MYRFL: variants seen among roughly 807,000 people sequenced by gnomAD.
MYRFL encodes myelin regulatory factor like, also known as myelin regulatory factor-like protein.
In MYRFL, 88 loss-of-function variants were observed where a neutral mutation model predicts 109.4. That is an observed-to-expected ratio of 0.80 (90% CI 0.68 to 0.96). The LOEUF (loss-of-function observed/expected upper bound fraction) is 0.96. Ranked by LOEUF, MYRFL falls within the 40% of genes least tolerant of loss-of-function variation. The pLI is 0.00. For synonymous variants in MYRFL, 324 were observed against 320.9 expected (o/e 1.01, Z -0.10); for missense variants, 957 against 954.9 (o/e 1.00, Z -0.03).
intron 13 of MYRFL, among the ~76,000 whole-genome samples, chr12:69,917,383 C>CTTTTTTTTTTT: frequency 9.8e-6 from 1 of 102,514 alleles, no homozygotes; most frequent in Non-Finnish European, 1.8e-5. Context: ...TATTCACTGA[C>CTTTTTTTTTTT]TTTTTTTTTT....
intron 11 of MYRFL, among the ~76,000 whole-genome samples, chr12:69,908,768 A>G (rs951490597): frequency 2.4e-4 from 37 of 152,258 alleles, no homozygotes; most frequent in African/African-American, 7.7e-4. Context: ...TAAAACTTTT[A>G]TTTTAAGTTC....
chr12:69,869,564 G>T (rs775830229), intron 2 of MYRFL, among the ~76,000 whole-genome samples: 33 of 152,320 alleles, frequency 2.2e-4, no homozygotes, highest in Non-Finnish European at 3.5e-4. Flanking sequence ...ATGGTCATAT[G>T]TAGTTTAACA....
chr12:69,935,925 A>G, intron 16 of MYRFL, 188 bp from the exon 17 acceptor site: 2 of 654,570 alleles, frequency 3.1e-6, no homozygotes, highest in Non-Finnish European at 5.0e-6. Flanking sequence ...TTTTCTCTCC[A>G]GGGCAGAAAA....
At position 69,952,725 on chromosome 12, in the gene MYRFL, A is replaced by C. The variant is rs182143729; in HGVS notation, c.2288-74A>C. 7,645 of 1,026,294 alleles carry C rather than the reference A, an allele frequency of 7.4e-3. 43 individuals are homozygous for C. The highest frequency in any genetic ancestry group is 8.3e-3 in the Non-Finnish European group (5,992 of 719,270). 63.6% of individuals were successfully genotyped at this position (1,026,294 alleles called of 1,614,324 possible). A position where few individuals can be genotyped will look rare whatever the true frequency, so the allele number is the denominator to read the frequency against. The stretch of plus-strand genomic sequence containing the variant: ...TTACTTCCCATTCTGTAATTTGAGG[A>C]CTGTGGCTGGAATACAATATTCTTT... On this transcript the variant is annotated intron_variant, in intron 20 of 24. Coordinates refer to ENST00000552032, the MANE Select transcript of MYRFL (RefSeq NM_182530.3).
intron 1 of MYRFL, among the ~76,000 whole-genome samples, chr12:69,848,817 CA>C (rs1883711919): frequency 6.6e-6 from 1 of 152,004 alleles, no homozygotes; most frequent in African/African-American, 2.4e-5. Flanking sequence ...AATGAAAATA[CA>C]GTAGTTCTAA....
rs1887055126 is a variant in MYRFL, at chr12:69,893,806, G to A, written c.946G>A (p.Ala316Thr). The change falls in exon 8 of 25, where the codon GCA (alanine) becomes ACA (threonine). Residue 316 changes from alanine to threonine, a missense_variant. Coordinates refer to ENST00000552032, the MANE Select transcript of MYRFL (RefSeq NM_182530.3). ...AATAATTGCTATTGAACAGTCCCAA[G>A]CAGATAGGAGCAAAAAGATTTTCAA... Reference protein sequence around the residue: ...NQIIAIEQSQADRSKKIFNPV... With the variant: ...NQIIAIEQSQTDRSKKIFNPV... The A allele has an allele frequency of 2.9e-6, 4 of 1,399,928 alleles. No individual in the cohort carries two copies. Among genetic ancestry groups the A allele is most frequent in the Admixed American group, 2.5e-5 (1 of 39,712 alleles). The allele number at this position is 1,399,928 out of a possible 1,614,324, so 86.7% of individuals were successfully genotyped here.
At chr12:69,945,730 G>T (rs534580680) in intron 19 of MYRFL, among the ~76,000 whole-genome samples, 1 of 151,948 alleles carries the variant, frequency 6.6e-6, no homozygotes, top group Non-Finnish European at 1.5e-5. Flanking sequence ...GCTCACGCCT[G>T]TAATCCCAGC....
chr12:69,940,604 G>A (rs1592876894), intron 19 of MYRFL, among the ~76,000 whole-genome samples: 1 of 151,934 alleles, frequency 6.6e-6, no homozygotes, highest in Non-Finnish European at 1.5e-5. Context: ...AATCATCGAG[G>A]CTAGGAAGAA....
At chr12:69,883,706 T>TAAA (rs59904690) in intron 5 of MYRFL, among the ~76,000 whole-genome samples, 97 of 125,448 alleles carry the variant, frequency 7.7e-4, no homozygotes, top group East Asian at 4.0e-3. Context: ...CTACAAAAAG[T>TAAA]AAAAAAAAAA....
chr12:69,850,542 TGAA>T (rs1365057442), intron 1 of MYRFL, among the ~76,000 whole-genome samples: 1 of 152,130 alleles, frequency 6.6e-6, no homozygotes, highest in Non-Finnish European at 1.5e-5. Flanking sequence ...ACTAAAAAGT[TGAA>T]GAAGTTTTTT....
In MYRFL at chr12:69,886,855, C is replaced by G. The variant is rs1886487089; in HGVS notation, c.592C>G (p.Pro198Ala). 1 of 1,535,762 alleles carries G rather than the reference C, an allele frequency of 6.5e-7. No individual in the cohort carries two copies. The highest frequency in any genetic ancestry group is 8.7e-7 in the Non-Finnish European group (1 of 1,146,722). ...SRSRSSEVQD[P>A]DSEGQNRMPT... ...GAGTCGCAGCAGTGAAGTCCAGGAC[C>G]CTGACAGTGAGGGACAGAACAGAAT... Residue 198 changes from proline to alanine, a missense_variant, in exon 6 of 25, where the codon CCT (proline) becomes GCT (alanine). By Grantham distance (27) the Pro-to-Ala change is conservative. Transcript: ENST00000552032.
Position 69,877,170 on chromosome 12 carries a change from G to C in MYRFL, c.138-1858G>C, listed in dbSNP as rs912894316. ...TCCCGAGTAGCTGGGACTACAGGCG[G>C]CTGCCACCACGCCTGGCTCATTTTT... On this transcript the variant is annotated intron_variant, in intron 2 of 24. Coordinates refer to ENST00000552032, the MANE Select transcript of MYRFL (RefSeq NM_182530.3). Among the ~76,000 whole-genome samples, 22 of 151,730 alleles carry C rather than the reference G, an allele frequency of 1.4e-4. No homozygotes were observed. The East Asian group carries it at 4.1e-3, about 28-fold the overall frequency.
intron 19 of MYRFL, among the ~76,000 whole-genome samples, chr12:69,940,626 T>C (rs1686276569): frequency 6.6e-6 from 1 of 152,108 alleles, no homozygotes; most frequent in Non-Finnish European, 1.5e-5. Context: ...CTGCATCAAC[T>C]AACGAGCAAA....
intron 2 of MYRFL, among the ~76,000 whole-genome samples, chr12:69,867,253 A>G (rs567038581): frequency 6.6e-6 from 1 of 152,200 alleles, no homozygotes; most frequent in South Asian, 2.1e-4. Flanking sequence ...CAGGTATGCA[A>G]TGCTGCTTTG....
intron 2 of MYRFL, among the ~76,000 whole-genome samples, chr12:69,875,522 T>C (rs1348390404): frequency 1.3e-5 from 2 of 152,238 alleles, no homozygotes; most frequent in Non-Finnish European, 2.9e-5. Context: ...CACATTTTTC[T>C]GGTTCTTTGT....
At chr12:69,896,113 GAATTT>G (rs1953984350) in intron 9 of MYRFL, among the ~76,000 whole-genome samples, 1 of 152,154 alleles carries the variant, frequency 6.6e-6, no homozygotes, top group Non-Finnish European at 1.5e-5. Context: ...GGATAGAATT[GAATTT>G]GACTATTTGA....
At chr12:69,880,982 G>A (rs572052209) in intron 5 of MYRFL, among the ~76,000 whole-genome samples, 4 of 48,064 alleles carry the variant, frequency 8.3e-5, no homozygotes, top group African/African-American at 1.2e-4. Flanking sequence ...CTTATATAAC[G>A]TGTAACACAT....
rs1173586550 is a variant in MYRFL at position 69,937,369 on chromosome 12, G to T, written c.2224+737G>T. 4.6e-5 allele frequency among the ~76,000 whole-genome samples: 7 copies of T among 151,958 alleles called. No homozygotes were observed. The East Asian group carries it at 1.3e-3, about 29-fold the overall frequency. ...ACATATTACTATGGCTTATTGATTA[G>T]GATACTGTCATAACAACAACTCTTA... On this transcript the variant is annotated intron_variant, in intron 19 of 24. Coordinates refer to ENST00000552032, the MANE Select transcript of MYRFL (RefSeq NM_182530.3).
intron 15 of MYRFL, among the ~76,000 whole-genome samples, chr12:69,930,442 C>T (rs562244596): frequency 2.0e-5 from 3 of 151,902 alleles, no homozygotes; most frequent in African/African-American, 4.8e-5. Flanking sequence ...TCTTGCTATA[C>T]GTAGGACTCA....
Sources: gnomAD v4.1 joint callset for allele counts (sites outside exome capture counted in the v4.1 genomes callset) on GRCh38, gnomAD v4.1.1 for gene constraint, MANE v1.5 for transcripts, NCBI Gene and HGNC (gene_info 2026-07-23, HGNC 2026-07-21) for gene names.